Variants in ZMIZ1 observed in about 807,000 individuals in gnomAD.
The protein encoded by ZMIZ1 is zinc finger MIZ domain-containing protein 1.
Under a neutral mutation model 113.9 loss-of-function variants are expected in ZMIZ1, and 17 were observed. That is an observed-to-expected ratio of 0.15 (90% confidence interval 0.10 to 0.22). The LOEUF (loss-of-function observed/expected upper bound fraction) is 0.22. ZMIZ1 is among the 10% of genes least tolerant of loss of function. The probability of loss-of-function intolerance (pLI) is 1.00; values close to 1 mark genes in which losing one functional copy is unlikely to be tolerated. For missense variants in ZMIZ1, 1,059 were observed against 1,477.8 expected, an observed-to-expected ratio of 0.72 and a Z score of 4.65; for synonymous variants, 607 against 603.1, an observed-to-expected ratio of 1.01 and a Z score of -0.09.
Position 79,279,524 on chromosome 10 carries a change from C to T in ZMIZ1, c.425+2199C>T, listed in dbSNP as rs549815749. ...GGCTCCTCACATCCCAGATGATGGGCGGCCAGGCAGAGACGCTCCTCACTT... is the reference window on the plus strand; with the variant it reads ...GGCTCCTCACATCCCAGATGATGGGTGGCCAGGCAGAGACGCTCCTCACTT... On this transcript the variant is annotated intron_variant, in intron 8 of 24. Coordinates refer to ENST00000334512, the MANE Select transcript of ZMIZ1 (RefSeq NM_020338.4). Among the ~76,000 whole-genome samples, 890 of 152,174 alleles carry T rather than the reference C, an allele frequency of 5.8e-3. 6 individuals are homozygous for T. Among genetic ancestry groups the T allele is most frequent in the African/African-American group, 0.02 (845 of 41,546 alleles).
chr10:79,288,469 G>A (rs189654848), intron 8 of ZMIZ1, among the ~76,000 whole-genome samples: 10 of 152,240 alleles, frequency 6.6e-5, no homozygotes, highest in African/African-American at 2.4e-4. Context: ...AGAGGCATGA[G>A]GCTCTTTCCT....
intron 4 of ZMIZ1, 67 bp downstream of exon 4, chr10:79,162,200 G>T (rs1846139078): frequency 2.5e-6 from 1 of 398,682 alleles, no homozygotes; most frequent in Non-Finnish European, 4.4e-6. Flanking sequence ...ATGAGGGCAG[G>T]TGCTAGCCCT....
At position 79,271,437 on chromosome 10, in the gene ZMIZ1, G is replaced by A. The variant is rs560500391; in HGVS notation, c.281-5744G>A. ...GGGGTGCAGGAAGGTTAAGTCACTTGCTCAAGGTGTCACACAGTAACAGAC... is the reference window on the plus strand; with the variant it reads ...GGGGTGCAGGAAGGTTAAGTCACTTACTCAAGGTGTCACACAGTAACAGAC... On this transcript the variant is annotated intron_variant, in intron 7 of 24. Coordinates refer to ENST00000334512, the MANE Select transcript of ZMIZ1 (RefSeq NM_020338.4). Among the ~76,000 whole-genome samples the A allele has an allele frequency of 1.4e-4, 21 of 152,322 alleles. No individual in the cohort carries two copies. The South Asian group carries it at 4.3e-3, about 32-fold the overall frequency.
chr10:79,084,079 A>G (rs1375341712), intron 1 of ZMIZ1, among the ~76,000 whole-genome samples: 2 of 152,062 alleles, frequency 1.3e-5, no homozygotes, highest in African/African-American at 4.8e-5. Context: ...TAGTTTCCCA[A>G]CATGTTAGTC....
intron 1 of ZMIZ1, among the ~76,000 whole-genome samples, chr10:79,072,992 C>T (rs1169460562): frequency 6.6e-6 from 1 of 152,196 alleles, no homozygotes; most frequent in Admixed American, 6.5e-5. Flanking sequence ...AGGTTGGGCC[C>T]TGCCTTTAGA....
chr10:79,117,621 A>G (rs1844107297), intron 1 of ZMIZ1, among the ~76,000 whole-genome samples: 1 of 152,182 alleles, frequency 6.6e-6, no homozygotes, highest in Non-Finnish European at 1.5e-5. Flanking sequence ...GAACATATGC[A>G]CATTTTTCTG....
intron 24 of ZMIZ1, 110 bp downstream of exon 24, chr10:79,311,294 T>TGGGGGGGG: frequency 1.0e-5 from 1 of 99,140 alleles, no homozygotes; most frequent in Non-Finnish European, 1.9e-5. Context: ...AGGAGGTGGG[T>TGGGGGGGG]GGGCGGTGGG....
intron 1 of ZMIZ1, among the ~76,000 whole-genome samples, chr10:79,104,950 G>GGGGTGTGTGTGTGTGTGTGTGT (rs1190362797): frequency 2.9e-5 from 4 of 140,090 alleles, no homozygotes; most frequent in African/African-American, 1.1e-4. Flanking sequence ...GTTGTTGTGG[G>GGGGTGTGTGTGTGTGTGTGTGT]GTGTGTGTGT....
intron 24 of ZMIZ1, among the ~76,000 whole-genome samples, chr10:79,311,672 T>A (rs1025159228): frequency 2.0e-5 from 3 of 151,942 alleles, no homozygotes; most frequent in Non-Finnish European, 4.4e-5. Flanking sequence ...GGCCCCCATG[T>A]GGGTGACAGA....
rs73304133 is a variant in ZMIZ1, at chr10:79,262,641, C to T, written c.281-14540C>T. ...GAGAAATTCTCTCATTTCCTCCCTCCCCTCAGTGTTCTATAAATTCAGTCC... is the reference window on the plus strand; with the variant it reads ...GAGAAATTCTCTCATTTCCTCCCTCTCCTCAGTGTTCTATAAATTCAGTCC... On this transcript the variant is annotated intron_variant, in intron 7 of 24. Transcript: ENST00000334512. 3.9e-5 allele frequency among the ~76,000 whole-genome samples: 6 copies of T among 152,360 alleles called. No individual in the cohort carries two copies. In the East Asian group the frequency reaches 1.2e-3, roughly 29 times the overall value.
chr10:79,115,687 A>G lies in ZMIZ1; in HGVS notation c.-336-3228A>G, dbSNP rs374614705. Among the ~76,000 whole-genome samples the G allele has an allele frequency of 3.9e-4, 60 of 152,362 alleles. 1 individual carries two copies. Among genetic ancestry groups the G allele is most frequent in the East Asian group, 2.1e-3 (11 of 5,184 alleles). On this transcript the variant is annotated intron_variant, in intron 1 of 24. Coordinates refer to ENST00000334512, the MANE Select transcript of ZMIZ1 (RefSeq NM_020338.4). ...GCTGAGGGGTTTCCCCAGAGACCAC[A>G]TATCTATTTAGGACAGAGCTGGAGC...
At chr10:79,305,687 C>A in intron 21 of ZMIZ1, 86 bp downstream of exon 21, 1 of 1,354,310 alleles carries the variant, frequency 7.4e-7, no homozygotes, top group East Asian at 2.3e-5. Context: ...AGCCCTGACA[C>A]AGCCCTCCCC....
At position 79,296,102 on chromosome 10, in the gene ZMIZ1, T is replaced by C. The variant is rs1853873407; in HGVS notation, c.1231-369T>C. The C allele has an allele frequency of 7.6e-6, 2 of 264,190 alleles. No homozygotes were observed. Among genetic ancestry groups the C allele is most frequent in the Non-Finnish European group, 1.5e-5 (2 of 136,284 alleles). The allele number at this position is 264,190 out of a possible 1,614,324, so 16.4% of individuals were successfully genotyped here. On this transcript the variant is annotated intron_variant, in intron 12 of 24. Coordinates refer to ENST00000334512, the MANE Select transcript of ZMIZ1 (RefSeq NM_020338.4). The surrounding 1 kb of genome is among the most constrained non-coding windows in gnomAD (Gnocchi z 4.1). The stretch of plus-strand genomic sequence containing the variant: ...CTGTTGACTGTGTTCCTCTGTCACA[T>C]TGGGGTACACATTGGGGAGCACAGC...
chr10:79,261,164 C>A (rs568948020), intron 7 of ZMIZ1, among the ~76,000 whole-genome samples: 4 of 152,328 alleles, frequency 2.6e-5, no homozygotes, highest in African/African-American at 9.6e-5. Flanking sequence ...TCATGAAAGA[C>A]CCTGTGGCCC....
chr10:79,077,372 C>T (rs952072816), intron 1 of ZMIZ1, among the ~76,000 whole-genome samples: 3 of 151,998 alleles, frequency 2.0e-5, no homozygotes, highest in Non-Finnish European at 4.4e-5. Flanking sequence ...CTTATAGGGT[C>T]TCTGTCCAAC....
chr10:79,077,917 C>T (rs1325935106), intron 1 of ZMIZ1, among the ~76,000 whole-genome samples: 2 of 152,200 alleles, frequency 1.3e-5, no homozygotes, highest in African/African-American at 2.4e-5. Flanking sequence ...ACAGATGAGA[C>T]GGTGAAGTCG....
chr10:79,143,731 G>A (rs924700669), intron 3 of ZMIZ1, among the ~76,000 whole-genome samples: 12 of 151,846 alleles, frequency 7.9e-5, no homozygotes, highest in African/African-American at 2.9e-4. Flanking sequence ...GCTGCACACA[G>A]TATAGCTGCC....
At chr10:79,141,439 G>A (rs532611458) in intron 3 of ZMIZ1, among the ~76,000 whole-genome samples, 1 of 151,838 alleles carries the variant, frequency 6.6e-6, no homozygotes, top group African/African-American at 2.4e-5. Flanking sequence ...TCTTTCACTA[G>A]CCAAGGAAAG....
rs1564591135 is a variant in ZMIZ1 at position 79,293,655 on chromosome 10, T to C, written c.1230+2T>C. ...ATAAAGAGGCCATACCCTGGAGAGG[T>C]GAGTGCAGCAGTGGGAGCCTGGGAG... On this transcript the variant is annotated splice_donor_variant, in intron 12 of 24. Coordinates refer to ENST00000334512, the MANE Select transcript of ZMIZ1 (RefSeq NM_020338.4). LOFTEE classifies it high-confidence loss of function. The C allele has an allele frequency of 6.2e-7, 1 of 1,612,690 alleles. No individual in the cohort carries two copies. Among genetic ancestry groups the C allele is most frequent in the Admixed American group, 1.7e-5 (1 of 60,016 alleles).
Sources: gnomAD v4.1 joint callset for allele counts (sites outside exome capture counted in the v4.1 genomes callset) on GRCh38, gnomAD v4.1.1 for gene constraint, Gnocchi (gnomAD v3.1) non-coding constraint, MANE v1.5 for transcripts, NCBI Gene and HGNC (gene_info 2026-07-23, HGNC 2026-07-21) for gene names.